The following APOC3 variants were observed in gnomAD, a reference collection of about 807,000 sequenced individuals.
The protein encoded by APOC3 is apolipoprotein C-III.
In APOC3, 6 loss-of-function variants were observed where a neutral mutation model predicts 7.3. The observed-to-expected ratio is 0.82, with a 90% confidence interval of 0.45 to 1.61. The LOEUF is 1.61. Among genes scored for constraint, APOC3 ranks in the 40% most tolerant of loss-of-function variants. APOC3 has a pLI of 0.01. For missense variants in APOC3, 123 were observed against 124.9 expected (o/e 0.98, Z 0.07); for synonymous variants, 45 against 51.2 (o/e 0.88, Z 0.52).
At chr11:116,831,132 CGT>C (rs1941442866) in intron 3 of APOC3, 1 of 567,572 alleles carries the variant, frequency 1.8e-6, no homozygotes, top group Non-Finnish European at 3.1e-6. Context: ...AGTCCTAGGG[CGT>C]GCCGTTTTAG....
intron 3 of APOC3, among the ~76,000 whole-genome samples, chr11:116,831,477 G>T (rs1726982521): frequency 6.6e-6 from 1 of 151,088 alleles, no homozygotes; most frequent in Non-Finnish European, 1.5e-5. Context: ...CCATTCTCCT[G>T]CCTCAGCCTC....
At chr11:116,831,046 C>CT (rs751917840) in intron 3 of APOC3, 150 bp downstream of exon 3, 188 of 905,374 alleles carry the variant, frequency 2.1e-4, no homozygotes, top group Middle Eastern at 3.3e-4. Context: ...CTCACAGGGC[C>CT]TTTGTCAGGC....
At chr11:116,831,209 CTTTCTT>C (rs1941447973) in intron 3 of APOC3, 19 of 132,896 alleles carry the variant, frequency 1.4e-4, no homozygotes, top group African/African-American at 6.4e-4. Flanking sequence ...TTCTTTCTTT[CTTTCTT>C]TCTTTCTTTC....
Position 116,830,402 on chromosome 11 carries a change from C to T in APOC3, c.-13-168C>T, listed in dbSNP as rs143893093. Reference sequence around the variant, plus strand: ...CACCTCCCTTTGGGCCTCGATCCCTCGCCCCTCACCAGTCCCCCTTCTGAG... The same window carrying T: ...CACCTCCCTTTGGGCCTCGATCCCTTGCCCCTCACCAGTCCCCCTTCTGAG... On this transcript the variant is annotated intron_variant, in intron 1 of 3. Transcript: ENST00000227667. 1.6e-5 allele frequency: 11 copies of T among 703,358 alleles called. 1 individual carries two copies. The highest frequency in any genetic ancestry group is 1.4e-4 in the African/African-American group (8 of 56,710). 43.6% of individuals were successfully genotyped at this position (703,358 alleles called of 1,614,324 possible). A position where few individuals can be genotyped will look rare whatever the true frequency, so the allele number is the denominator to read the frequency against.
Position 116,830,906 on chromosome 11 carries a change from C to T in APOC3, c.179+10C>T. The T allele has an allele frequency of 1.2e-6, 2 of 1,611,928 alleles. No individual in the cohort carries two copies. Among genetic ancestry groups the T allele is most frequent in the Non-Finnish European group, 1.7e-6 (2 of 1,179,864 alleles). On this transcript the variant is annotated intron_variant, in intron 3 of 3. Coordinates refer to ENST00000227667, the MANE Select transcript of APOC3 (RefSeq NM_000040.3). The stretch of plus-strand genomic sequence containing the variant: ...TGGCCCAGCAGGCCAGGTACACCCG[C>T]TGGCCTCCCTCCCCATCCCCCCTGC...
chr11:116,830,616 C>CT lies in APOC3; in HGVS notation c.35dup (p.Ala13GlyfsTer66). The CT allele has an allele frequency of 5.6e-6, 9 of 1,613,992 alleles. No individual in the cohort carries two copies. The highest frequency in any genetic ancestry group is 7.6e-6 in the Non-Finnish European group (9 of 1,179,994). On this transcript the variant is annotated frameshift_variant, in exon 2 of 4. Coordinates refer to ENST00000227667, the MANE Select transcript of APOC3 (RefSeq NM_000040.3). LOFTEE classifies it high-confidence loss of function. ...CCGGGTACTCCTTGTTGTTGCCCTC[C>CT]TGGCGCTCCTGGCCTCTGCCCGTAA...
intron 3 of APOC3, among the ~76,000 whole-genome samples, chr11:116,831,283 CCTTT>C (rs1269269768): frequency 0.012 from 560 of 46,570 alleles, 12 homozygotes; most frequent in Middle Eastern, 0.09. Flanking sequence ...TTCTTTCTTT[CCTTT>C]CTTTCTTTCT....
At chr11:116,830,676 G>A (rs781497809) in intron 2 of APOC3, 39 bp downstream of exon 2, 4 of 1,613,486 alleles carry the variant, frequency 2.5e-6, no homozygotes, top group Non-Finnish European at 3.4e-6. Context: ...GCAGGGTGGA[G>A]GCAACTTGGG....
chr11:116,831,241 CTT>C (rs1491125558), intron 3 of APOC3: 3 of 120,894 alleles, frequency 2.5e-5, no homozygotes, highest in African/African-American at 1.3e-4. Flanking sequence ...TTCTTTCTTT[CTT>C]TCTTTCTTTC....
At position 116,832,894 on chromosome 11, in the gene APOC3, A is replaced by G. The variant is rs748747574; in HGVS notation, c.*10A>G. 6.2e-7 allele frequency: 1 copy of G among 1,612,284 alleles called. No homozygotes were observed. The highest frequency in any genetic ancestry group is 1.7e-5 in the Admixed American group (1 of 59,858). ...AGCCGTGGCTGCCTGAGACCTCAAT[A>G]CCCCAAGTCCACCTGCCTATCCATC... is the stretch of plus-strand genomic sequence containing the variant. On this transcript the variant is annotated 3_prime_UTR_variant, in exon 4 of 4. Transcript: ENST00000227667.
Position 116,830,739 on chromosome 11 carries a change from CGATCCACCCCACTCA to C in APOC3, c.56-32_56-18del. 6.2e-7 allele frequency: 1 copy of C among 1,613,304 alleles called. No homozygotes were observed. Among genetic ancestry groups the C allele is most frequent in the East Asian group, 2.2e-5 (1 of 44,870 alleles). On this transcript the variant is annotated intron_variant, in intron 2 of 3. Coordinates refer to ENST00000227667, the MANE Select transcript of APOC3 (RefSeq NM_000040.3). ...AGGAGCCCAGGGCTCGTCCAGAGGC[CGATCCACCCCACTCA>C]GCCCTGCTCTTTCCTCAGGAGCTTC...
intron 3 of APOC3, chr11:116,831,205 C>A (rs1249042664): frequency 0.014 from 1,486 of 106,416 alleles, 48 homozygotes; most frequent in African/African-American, 0.061. Flanking sequence ...TTCTTTCTTT[C>A]TTTCTTTCTT....
chr11:116,830,507 C>A, intron 1 of APOC3, 63 bp from the exon 2 acceptor site: 2 of 1,586,534 alleles, frequency 1.3e-6, no homozygotes, highest in Non-Finnish European at 1.7e-6. Context: ...CACGCCACCT[C>A]CCCAGGGAGG....
At chr11:116,831,155 C>A in intron 3 of APOC3, 1 of 412,614 alleles carries the variant, frequency 2.4e-6, no homozygotes, top group Admixed American at 4.1e-5. Flanking sequence ...CCCTCATTTC[C>A]ATTTTCCTTT....
rs5140 is a variant in APOC3 at position 116,831,451 on chromosome 11, G to A, written c.179+555G>A. The stretch of plus-strand genomic sequence containing the variant: ...GCCATCTCGGCTCACTGCAACCTCC[G>A]TCTCCCGGGTTCAACCCATTCTCCT... On this transcript the variant is annotated intron_variant, in intron 3 of 3. Coordinates refer to ENST00000227667, the MANE Select transcript of APOC3 (RefSeq NM_000040.3). Among the ~76,000 whole-genome samples the A allele has an allele frequency of 5.1e-3, 762 of 149,726 alleles. 8 individuals carry two copies. The highest frequency in any genetic ancestry group is 0.018 in the African/African-American group (715 of 40,478).
chr11:116,831,195 TTCTTTC>T (rs1941446705), intron 3 of APOC3: 1 of 42,722 alleles, frequency 2.3e-5, no homozygotes. Flanking sequence ...TTCTATTTCT[TTCTTTC>T]TTTCTTTCTT....
At position 116,832,696 on chromosome 11, in the gene APOC3, G is replaced by A. The variant is rs1010056473; in HGVS notation, c.180-68G>A. ...GGTGTCGTCCAGTGGGGACATGGGT[G>A]TGGGTCCCATGGTTGCCTACAGAGG... On this transcript the variant is annotated intron_variant, in intron 3 of 3. Coordinates refer to ENST00000227667, the MANE Select transcript of APOC3 (RefSeq NM_000040.3). The A allele has an allele frequency of 8.7e-6, 14 of 1,609,054 alleles. No homozygotes were observed. The African/African-American group carries it at 1.6e-4, about 18-fold the overall frequency.
At chr11:116,832,368 A>G (rs2134226724) in intron 3 of APOC3, among the ~76,000 whole-genome samples, 1 of 152,224 alleles carries the variant, frequency 6.6e-6, no homozygotes, top group South Asian at 2.1e-4. Context: ...TGACTTTCCA[A>G]ATGAGAGGCT....
chr11:116,830,714 A>G (rs999287594), intron 2 of APOC3, 59 bp from the exon 3 acceptor site: 100 of 1,613,016 alleles, frequency 6.2e-5, no homozygotes, highest in Non-Finnish European at 8.0e-5. Flanking sequence ...GTGGTCAAGC[A>G]GGAGCCCAGG....
Sources: gnomAD v4.1 joint callset for allele counts (sites outside exome capture counted in the v4.1 genomes callset) on GRCh38, gnomAD v4.1.1 for gene constraint, MANE v1.5 for transcripts, NCBI Gene and HGNC (gene_info 2026-07-23, HGNC 2026-07-21) for gene names.